LIN7B: variants seen among roughly 807,000 people sequenced by gnomAD.
LIN7B encodes lin-7 cell polarity scaffold B.
In LIN7B, 16 loss-of-function variants were observed where a neutral mutation model predicts 27.9. The ratio of observed to expected loss-of-function variants is 0.57; its 90% CI spans 0.39 to 0.87. The LOEUF is 0.87. Ranked by LOEUF, LIN7B falls within the 40% of genes least tolerant of loss-of-function variation. The probability of loss-of-function intolerance (pLI) is 0.00; values close to 1 mark genes in which losing one functional copy is unlikely to be tolerated. For synonymous variants in LIN7B, 147 were observed against 120.8 expected, an observed-to-expected ratio of 1.22 and a Z score of -1.42; for missense variants, 291 against 288.5, an observed-to-expected ratio of 1.01 and a Z score of -0.06.
At position 49,116,156 on chromosome 19, in the gene LIN7B, G is replaced by A; in HGVS notation, c.229-107G>A. 1.4e-5 allele frequency: 12 copies of A among 863,256 alleles called. No individual in the cohort carries two copies. In the South Asian group the frequency reaches 2.0e-4, roughly 15 times the overall value. The allele number at this position is 863,256 out of a possible 1,614,324, so 53.5% of individuals were successfully genotyped here. On this transcript the variant is annotated intron_variant, in intron 3 of 5. Transcript: ENST00000221459. ...TGCCATGACAAGTGTCCCATGCTTG[G>A]GGATAGTAACCCAGGCTAAATCGCT...
Position 49,114,984 on chromosome 19 carries a change from G to T in LIN7B, c.156+17G>T. 5 of 1,377,340 alleles carry T rather than the reference G, an allele frequency of 3.6e-6. No homozygotes were observed. Among genetic ancestry groups the T allele is most frequent in the Non-Finnish European group, 4.7e-6 (5 of 1,052,696 alleles). 85.3% of individuals were successfully genotyped at this position (1,377,340 alleles called of 1,614,324 possible). A position where few individuals can be genotyped will look rare whatever the true frequency, so the allele number is the denominator to read the frequency against. ...ATCCGAGAGGTGAGGGGCGCGCGGC[G>T]CAGGGGCGCGAGCTGGTGGCCGTCG... On this transcript the variant is annotated intron_variant, in intron 2 of 5. Coordinates refer to ENST00000221459, the MANE Select transcript of LIN7B (RefSeq NM_022165.3).
At chr19:49,116,230 G>C (rs2040822760) in intron 3 of LIN7B, 33 bp from the exon 4 acceptor site, 2 of 1,589,718 alleles carry the variant, frequency 1.3e-6, no homozygotes, top group African/African-American at 2.7e-5. Context: ...ACCTGGAAGG[G>C]GCCCTCATCT....
chr19:49,116,584 T>C (rs1382496607), intron 4 of LIN7B, 112 bp downstream of exon 4: 6 of 992,004 alleles, frequency 6.0e-6, no homozygotes, highest in Non-Finnish European at 9.0e-6. Flanking sequence ...TGGCTAGCCC[T>C]GTGCTGGGCA....
Position 49,115,338 on chromosome 19 carries a change from C to G in LIN7B, c.228+7C>G. ...AGCCCATGCCACAGCCAAGGTGGGCCCCGCACCCCATTGCTCCTGGTGTCT... is the reference window on the plus strand; with the variant it reads ...AGCCCATGCCACAGCCAAGGTGGGCGCCGCACCCCATTGCTCCTGGTGTCT... On this transcript the variant is annotated splice_region_variant and intron_variant, in intron 3 of 5. Transcript: ENST00000221459. The G allele has an allele frequency of 6.4e-7, 1 of 1,567,046 alleles. No individual in the cohort carries two copies. Among genetic ancestry groups the G allele is most frequent in the Non-Finnish European group, 8.7e-7 (1 of 1,154,786 alleles).
intron 5 of LIN7B, 115 bp from the exon 6 acceptor site, chr19:49,118,237 G>T: frequency 7.3e-7 from 1 of 1,369,672 alleles, no homozygotes. Context: ...AACCTACTGT[G>T]GCTGGGATCC....
intron 5 of LIN7B, 83 bp downstream of exon 5, chr19:49,118,101 G>T: frequency 3.2e-6 from 5 of 1,565,674 alleles, no homozygotes; most frequent in Non-Finnish European, 4.3e-6. Context: ...AGTGCTTCCT[G>T]GATCTTCCAG....
Position 49,117,884 on chromosome 19 carries a change from G to T in LIN7B, c.468G>T (p.Ala156=), listed in dbSNP as rs779226449. 3.7e-6 allele frequency: 6 copies of T among 1,613,998 alleles called. No individual in the cohort carries two copies. The highest frequency in any genetic ancestry group is 5.1e-6 in the Non-Finnish European group (6 of 1,179,942). Residue 156 remains alanine (A), a synonymous_variant, in exon 5 of 6, where the codon GCG becomes GCT. Coordinates refer to ENST00000221459, the MANE Select transcript of LIN7B (RefSeq NM_022165.3). Reference sequence around the variant, plus strand: ...TTGAGGGTGAGCAGCATGAGAAGGCGGTGGAGCTGCTGAAGGCGGCCCAGG... The same window carrying T: ...TTGAGGGTGAGCAGCATGAGAAGGCTGTGGAGCTGCTGAAGGCGGCCCAGG... The part of the protein sequence containing the change: ...VSVEGEQHEK[A]VELLKAAQGS...
intron 3 of LIN7B, 147 bp from the exon 4 acceptor site, chr19:49,116,116 G>A: frequency 3.2e-6 from 2 of 629,548 alleles, no homozygotes; most frequent in Non-Finnish European, 5.6e-6. Flanking sequence ...GTCATTACAG[G>A]GGGATCGTGC....
At position 49,118,163 on chromosome 19, in the gene LIN7B, A is replaced by C. The variant is rs1045655673; in HGVS notation, c.602+145A>C. The C allele has an allele frequency of 4.9e-6, 7 of 1,424,162 alleles. No homozygotes were observed. The African/African-American group carries it at 1.0e-4, about 20-fold the overall frequency. 88.2% of individuals were successfully genotyped at this position (1,424,162 alleles called of 1,614,324 possible). ...CCCTTGACCCTTGGCCCAGGCTCTC[A>C]CCCCAGGCTAGTTTGGCCAAATCCC... On this transcript the variant is annotated intron_variant, in intron 5 of 5. Coordinates refer to ENST00000221459, the MANE Select transcript of LIN7B (RefSeq NM_022165.3).
chr19:49,116,883 G>C (rs1230156250), intron 4 of LIN7B, among the ~76,000 whole-genome samples: 1 of 152,116 alleles, frequency 6.6e-6, no homozygotes, highest in Non-Finnish European at 1.5e-5. Context: ...ATACTGACTT[G>C]GCATACCTCT....
In LIN7B at chr19:49,118,343, C is replaced by G. The variant is rs1332548582; in HGVS notation, c.603-9C>G. 1.2e-6 allele frequency: 2 copies of G among 1,614,184 alleles called. No individual in the cohort carries two copies. Among genetic ancestry groups the G allele is most frequent in the Non-Finnish European group, 1.7e-6 (2 of 1,179,988 alleles). ...CTGATCCCGGGTCCCTTGTCCACCC[C>G]CCTTGCAGGTCCTTGGAGTCTCGAG... On this transcript the variant is annotated splice_polypyrimidine_tract_variant and intron_variant, in intron 5 of 5. Transcript: ENST00000221459.
At chr19:49,114,555 G>A in intron 1 of LIN7B, 114 bp downstream of exon 1, 1 of 865,022 alleles carries the variant, frequency 1.2e-6, no homozygotes, top group Non-Finnish European at 1.5e-6. Flanking sequence ...ACCCGGAGGG[G>A]GTGGGCGGGG....
rs376423986 is a variant in LIN7B at position 49,117,889 on chromosome 19, A to G, written c.473A>G (p.Glu158Gly). Residue 158 changes from glutamate to glycine, a missense_variant, in exon 5 of 6, where the codon GAG (glutamate) becomes GGG (glycine). Transcript: ENST00000221459. ...VEGEQHEKAV[E>G]LLKAAQGSVK... ...GGTGAGCAGCATGAGAAGGCGGTGG[A>G]GCTGCTGAAGGCGGCCCAGGGCTCG... 2 of 1,612,752 alleles carry G rather than the reference A, an allele frequency of 1.2e-6. No homozygotes were observed. The highest frequency in any genetic ancestry group is 1.7e-6 in the Non-Finnish European group (2 of 1,179,666).
rs75408950 is a variant in LIN7B at position 49,116,504 on chromosome 19, C to T, written c.438+32C>T. 2.1e-3 allele frequency: 3,362 copies of T among 1,586,136 alleles called. 7 individuals are homozygous for T. The highest frequency in any genetic ancestry group is 4.9e-3 in the Middle Eastern group (29 of 5,876). ...GGAGGGCTGAGGCAGGACTGGGGGA[C>T]ACAGTCTGTCTAACGTAGCATAGCC... On this transcript the variant is annotated intron_variant, in intron 4 of 5. Transcript: ENST00000221459.
In LIN7B at chr19:49,116,318, A is replaced by G. The variant is rs1311766188; in HGVS notation, c.284A>G (p.Glu95Gly). 1 of 1,614,000 alleles carries G rather than the reference A, an allele frequency of 6.2e-7. No individual in the cohort carries two copies. The highest frequency in any genetic ancestry group is 8.5e-7 in the Non-Finnish European group (1 of 1,180,012). The part of the protein sequence containing the change: ...SEGHAHPRVV[E>G]LPKTDEGLGF... ...GGCCACGCACATCCCAGGGTAGTGGAGCTACCCAAGACGGATGAGGGCCTA... is the reference window on the plus strand; with the variant it reads ...GGCCACGCACATCCCAGGGTAGTGGGGCTACCCAAGACGGATGAGGGCCTA... Residue 95 changes from glutamate to glycine, a missense_variant, in exon 4 of 6, where the codon GAG becomes GGG. Glu to Gly is a moderately conservative substitution (Grantham distance 98, BLOSUM62 -2). Coordinates refer to ENST00000221459, the MANE Select transcript of LIN7B (RefSeq NM_022165.3).
intron 1 of LIN7B, 135 bp from the exon 2 acceptor site, chr19:49,114,714 C>T (rs1244172677): frequency 1.6e-5 from 8 of 514,810 alleles, no homozygotes; most frequent in South Asian, 4.0e-5. Context: ...ACCCTGGACT[C>T]TGCGGGGTGT....
intron 2 of LIN7B, 59 bp from the exon 3 acceptor site, chr19:49,115,201 T>G: frequency 1.4e-6 from 2 of 1,473,506 alleles, no homozygotes; most frequent in Non-Finnish European, 1.8e-6. Context: ...AGGCCTGAAC[T>G]CCTGCGTCTA....
Position 49,114,865 on chromosome 19 carries a change from TG to T in LIN7B, c.55del (p.Glu19SerfsTer75). On this transcript the variant is annotated frameshift_variant, in exon 2 of 6. Coordinates refer to ENST00000221459, the MANE Select transcript of LIN7B (RefSeq NM_022165.3). LOFTEE classifies it high-confidence loss of function. ...GLERDVSRAV[E>X]LLERLQRSGE... is the part of the protein sequence containing the mutation. ...GCCCCGCAGACGTGTCCCGGGCGGTTGAGCTCCTCGAGCGGCTCCAGCGCAG... is the reference window on the plus strand; with the variant it reads ...GCCCCGCAGACGTGTCCCGGGCGGTTAGCTCCTCGAGCGGCTCCAGCGCAG... The T allele has an allele frequency of 6.8e-7, 1 of 1,467,808 alleles. No individual in the cohort carries two copies. 90.9% of individuals were successfully genotyped at this position (1,467,808 alleles called of 1,614,324 possible).
At chr19:49,117,264 C>T (rs28394227) in intron 4 of LIN7B, among the ~76,000 whole-genome samples, 1 of 59,590 alleles carries the variant, frequency 1.7e-5, no homozygotes, top group Admixed American at 1.9e-4. Context: ...AAAAAAAAAA[C>T]AAAACTCACT....
Sources: allele counts gnomAD v4.1 joint callset (sites outside exome capture counted in the v4.1 genomes callset), GRCh38; gene constraint gnomAD v4.1.1; transcripts MANE v1.5; gene names NCBI Gene and HGNC (gene_info 2026-07-23, HGNC 2026-07-21).